The following TENM4 variants were observed in gnomAD, a reference collection of about 807,000 sequenced individuals.
TENM4 encodes the protein teneurin transmembrane protein 4.
In TENM4, 82 loss-of-function variants were observed where a neutral mutation model predicts 243.3. That is an observed-to-expected ratio of 0.34 (90% CI 0.28 to 0.40). The LOEUF (loss-of-function observed/expected upper bound fraction) is 0.40. TENM4 is among the 10% of genes least tolerant of loss of function. TENM4 has a pLI of 1.00. For missense variants in TENM4, 3,138 were observed against 3,673.3 expected, an observed-to-expected ratio of 0.85 and a Z score of 3.77; for synonymous variants, 1,412 against 1,456.3, an observed-to-expected ratio of 0.97 and a Z score of 0.69.
chr11:78,864,433 C>CA (rs145489804), intron 9 of TENM4, among the ~76,000 whole-genome samples: 8,388 of 36,160 alleles, frequency 0.23, 2,636 homozygotes, highest in Non-Finnish European at 0.3. Context: ...GACTCCGTCT[C>CA]AAAAAAAAAA....
intron 19 of TENM4, chr11:78,756,584 CAACAA>C: frequency 1.9e-6 from 1 of 538,902 alleles, no homozygotes; most frequent in Non-Finnish European, 3.3e-6. Flanking sequence ...CCAGTGGGAG[CAACAA>C]AACTTTGCTC....
chr11:79,165,548 T>C (rs1341843821), intron 3 of TENM4, among the ~76,000 whole-genome samples: 1 of 152,200 alleles, frequency 6.6e-6, no homozygotes, highest in Non-Finnish European at 1.5e-5. Context: ...TATTAGTCCT[T>C]TGTAGGATGT....
intron 28 of TENM4, among the ~76,000 whole-genome samples, chr11:78,694,355 C>A (rs1858902932): frequency 6.6e-6 from 1 of 152,196 alleles, no homozygotes; most frequent in African/African-American, 2.4e-5. Flanking sequence ...TGGCCCATGT[C>A]ACTGTAATAG....
At chr11:78,838,944 T>G (rs767204266) in intron 12 of TENM4, among the ~76,000 whole-genome samples, 1 of 152,250 alleles carries the variant, frequency 6.6e-6, no homozygotes, top group African/African-American at 2.4e-5. Flanking sequence ...TGCAAAAACA[T>G]TTATTGATCC....
At chr11:79,031,054 C>T (rs1859222164) in intron 6 of TENM4, among the ~76,000 whole-genome samples, 1 of 152,180 alleles carries the variant, frequency 6.6e-6, no homozygotes, top group Non-Finnish European at 1.5e-5. Flanking sequence ...GCCTGTCCCT[C>T]CCACTGCATT....
chr11:78,747,175 A>AG (rs1306176436), intron 19 of TENM4, among the ~76,000 whole-genome samples: 1 of 152,194 alleles, frequency 6.6e-6, no homozygotes, highest in Non-Finnish European at 1.5e-5. Flanking sequence ...GCCATGGTGA[A>AG]GGGGCTCCCA....
chr11:79,350,041 G>A (rs1857389198), intron 1 of TENM4, among the ~76,000 whole-genome samples: 1 of 152,136 alleles, frequency 6.6e-6, no homozygotes, highest in African/African-American at 2.4e-5. Flanking sequence ...CCCATGGGCT[G>A]GGCACTGGGA....
intron 2 of TENM4, among the ~76,000 whole-genome samples, chr11:79,281,252 T>C (rs925432617): frequency 2.6e-5 from 4 of 152,190 alleles, no homozygotes; most frequent in Non-Finnish European, 1.5e-5. Context: ...GGAGGTATTA[T>C]GATCATTTTT....
intron 6 of TENM4, among the ~76,000 whole-genome samples, chr11:78,993,549 TC>T (rs1858096040): frequency 6.6e-6 from 1 of 152,230 alleles, no homozygotes; most frequent in Non-Finnish European, 1.5e-5. Context: ...TTCATTTTTT[TC>T]AGCCTTTATT....
intron 3 of TENM4, among the ~76,000 whole-genome samples, chr11:79,213,662 C>A (rs1863993743): frequency 6.6e-6 from 1 of 152,138 alleles, no homozygotes; most frequent in South Asian, 2.1e-4. Context: ...CGTTGGGGAA[C>A]CAGGGAGAGA....
intron 7 of TENM4, among the ~76,000 whole-genome samples, chr11:78,902,959 C>T (rs1416692783): frequency 2.0e-5 from 3 of 152,172 alleles, no homozygotes; most frequent in South Asian, 2.1e-4. Context: ...TTAACAGTTC[C>T]GTCCCGCAAA....
chr11:79,133,096 A>C (rs1862043990), intron 4 of TENM4, among the ~76,000 whole-genome samples: 1 of 152,190 alleles, frequency 6.6e-6, no homozygotes, highest in Non-Finnish European at 1.5e-5. Context: ...AAACTGATAG[A>C]CCTCTAACAA....
intron 12 of TENM4, among the ~76,000 whole-genome samples, chr11:78,825,115 G>A (rs1262542403): frequency 1.3e-5 from 2 of 152,196 alleles, no homozygotes; most frequent in African/African-American, 4.8e-5. Flanking sequence ...CAGGAGGGAG[G>A]ATCCAAAGCA....
chr11:79,133,446 CT>C (rs1329364977), intron 4 of TENM4, among the ~76,000 whole-genome samples: 1 of 152,112 alleles, frequency 6.6e-6, no homozygotes, highest in Non-Finnish European at 1.5e-5. Context: ...GGTACCAATC[CT>C]TTTGACACTA....
chr11:78,858,016 C>T (rs569672342), intron 10 of TENM4, among the ~76,000 whole-genome samples: 9 of 152,280 alleles, frequency 5.9e-5, no homozygotes, highest in East Asian at 5.8e-4. Flanking sequence ...TCCAAGGATG[C>T]GTTTCCTTTG....
intron 6 of TENM4, among the ~76,000 whole-genome samples, chr11:79,004,941 CAA>C (rs58631195): frequency 0.36 from 31,807 of 88,734 alleles, 4,440 homozygotes; most frequent in East Asian, 0.49. Flanking sequence ...ATAGAAATAC[CAA>C]AAAAAAAAAA....
rs147273235 is a variant in TENM4 at position 79,034,812 on chromosome 11, A to G, written c.493+29926T>C. On this transcript the variant is annotated intron_variant, in intron 6 of 33. Coordinates refer to ENST00000278550, the MANE Select transcript of TENM4 (RefSeq NM_001098816.3). Reference sequence around the variant, plus strand: ...CTCTAAGAGCAGACATGGTGAGCGAAGGGTCTCAAACTTACCTGGAAACCT... The same window carrying G: ...CTCTAAGAGCAGACATGGTGAGCGAGGGGTCTCAAACTTACCTGGAAACCT... Among the ~76,000 whole-genome samples the G allele has an allele frequency of 1.4e-3, 213 of 152,270 alleles. 1 individual carries two copies. The highest frequency in any genetic ancestry group is 4.9e-3 in the African/African-American group (202 of 41,550).
chr11:79,344,588 T>C (rs1344644356), intron 1 of TENM4, among the ~76,000 whole-genome samples: 1 of 152,202 alleles, frequency 6.6e-6, no homozygotes, highest in Non-Finnish European at 1.5e-5. Context: ...AAAACAAAAC[T>C]TCTCTTTGAC....
At chr11:78,807,228 GGA>G (rs1857407961) in intron 14 of TENM4, among the ~76,000 whole-genome samples, 2 of 152,132 alleles carry the variant, frequency 1.3e-5, no homozygotes, top group African/African-American at 4.8e-5. Context: ...AGAAATTGCT[GGA>G]TCATATGGTA....
Sources: allele counts gnomAD v4.1 joint callset (sites outside exome capture counted in the v4.1 genomes callset), GRCh38; gene constraint gnomAD v4.1.1; transcripts MANE v1.5; gene names NCBI Gene and HGNC (gene_info 2026-07-23, HGNC 2026-07-21).